Variants in STXBP5L observed in about 807,000 individuals in gnomAD.
STXBP5L encodes the protein syntaxin binding protein 5L.
A neutral mutation model predicts 144.5 loss-of-function variants in STXBP5L; 65 were observed. The observed-to-expected ratio is 0.45, with a 90% CI of 0.37 to 0.55. The LOEUF (loss-of-function observed/expected upper bound fraction) is 0.55, where lower values mean the gene tolerates loss of function less well. Ranked by LOEUF, STXBP5L falls within the 20% of genes least tolerant of loss-of-function variation. STXBP5L has a pLI of 0.00. For synonymous variants in STXBP5L, 505 were observed against 469.6 expected, an observed-to-expected ratio of 1.08 and a Z score of -0.97; for missense variants, 1,298 against 1,405.5, an observed-to-expected ratio of 0.92 and a Z score of 1.22.
chr3:121,346,637 T>C (rs528160702), intron 20 of STXBP5L, among the ~76,000 whole-genome samples: 4 of 152,230 alleles, frequency 2.6e-5, no homozygotes, highest in South Asian at 2.1e-4. Flanking sequence ...TTTTAATGAT[T>C]GCCATTCTAA....
At chr3:120,965,372 C>T (rs537658695) in intron 3 of STXBP5L, among the ~76,000 whole-genome samples, 6 of 152,242 alleles carry the variant, frequency 3.9e-5, no homozygotes, top group African/African-American at 1.4e-4. Context: ...TTCATAGCAT[C>T]GATGGTCTTT....
intron 3 of STXBP5L, among the ~76,000 whole-genome samples, chr3:120,979,300 A>G (rs1941479827): frequency 6.6e-6 from 1 of 152,002 alleles, no homozygotes; most frequent in Admixed American, 6.6e-5. Flanking sequence ...TTGATCTCAG[A>G]CTGCTGTGCT....
At chr3:121,286,350 G>A (rs1423524201) in intron 19 of STXBP5L, among the ~76,000 whole-genome samples, 1 of 152,070 alleles carries the variant, frequency 6.6e-6, no homozygotes, top group Non-Finnish European at 1.5e-5. Context: ...AATTAAAGAA[G>A]AAATGCTTTA....
chr3:121,113,673 T>C (rs1398572965), intron 5 of STXBP5L, among the ~76,000 whole-genome samples: 1 of 88,986 alleles, frequency 1.1e-5, no homozygotes, highest in Non-Finnish European at 2.5e-5. Context: ...TTTCTTTTTC[T>C]TTTTTTTTTT....
intron 9 of STXBP5L, among the ~76,000 whole-genome samples, chr3:121,199,131 C>T (rs191643089): frequency 6.6e-6 from 1 of 152,142 alleles, no homozygotes; most frequent in African/African-American, 2.4e-5. Flanking sequence ...AATTTTTTTC[C>T]GTTTGTTTGT....
chr3:121,396,389 A>T (rs1473100516), intron 22 of STXBP5L, among the ~76,000 whole-genome samples: 2 of 152,226 alleles, frequency 1.3e-5, no homozygotes, highest in Non-Finnish European at 1.5e-5. Flanking sequence ...CTGGGGCATT[A>T]TCTGTTTTAG....
intron 5 of STXBP5L, among the ~76,000 whole-genome samples, chr3:121,112,126 C>A (rs1296854892): frequency 6.6e-6 from 1 of 151,998 alleles, no homozygotes; most frequent in Non-Finnish European, 1.5e-5. Context: ...ATGGCTGCCA[C>A]CCCTCCCCCC....
chr3:121,226,070 G>A (rs552587788), intron 11 of STXBP5L, among the ~76,000 whole-genome samples: 59 of 152,260 alleles, frequency 3.9e-4, no homozygotes, highest in African/African-American at 1.2e-3. Context: ...GGACTTTTTG[G>A]TAATGTGAAG....
intron 8 of STXBP5L, among the ~76,000 whole-genome samples, chr3:121,153,059 G>A (rs182956542): frequency 6.6e-6 from 1 of 152,102 alleles, no homozygotes; most frequent in Admixed American, 6.6e-5. Flanking sequence ...TTTGTAAATA[G>A]TAATACTTAT....
chr3:121,002,889 C>A (rs1175480941), intron 3 of STXBP5L, among the ~76,000 whole-genome samples: 2 of 152,132 alleles, frequency 1.3e-5, no homozygotes, highest in East Asian at 1.9e-4. Context: ...ATGAACTCAT[C>A]ATTTTTTATG....
intron 10 of STXBP5L, among the ~76,000 whole-genome samples, chr3:121,221,365 T>G (rs2048968631): frequency 6.6e-6 from 1 of 151,940 alleles, no homozygotes; most frequent in Middle Eastern, 3.4e-3. Context: ...TTGCTCCTTA[T>G]CCTATGCTTG....
Position 121,074,104 on chromosome 3 carries a change from C to G in STXBP5L, c.470+28569C>G, listed in dbSNP as rs970568085. On this transcript the variant is annotated intron_variant, in intron 5 of 26. Coordinates refer to ENST00000471454, the MANE Select transcript of STXBP5L (RefSeq NM_001308330.2). ...GTGGCACAAAAGCCTTCAGGTCTGTCTAGTGCTTCCTCAAAAATGATTGGG... is the reference window on the plus strand; with the variant it reads ...GTGGCACAAAAGCCTTCAGGTCTGTGTAGTGCTTCCTCAAAAATGATTGGG... Among the ~76,000 whole-genome samples the G allele has an allele frequency of 1.2e-4, 18 of 152,290 alleles. No individual in the cohort carries two copies. In the South Asian group the frequency reaches 3.7e-3, roughly 32 times the overall value.
chr3:121,304,887 T>C (rs1030325860), intron 19 of STXBP5L, among the ~76,000 whole-genome samples: 2 of 151,220 alleles, frequency 1.3e-5, no homozygotes, highest in African/African-American at 4.9e-5. Flanking sequence ...CAAACCAGAG[T>C]AGATCAACAA....
At chr3:121,008,228 C>A (rs1026329020) in intron 3 of STXBP5L, among the ~76,000 whole-genome samples, 1 of 151,936 alleles carries the variant, frequency 6.6e-6, no homozygotes, top group Non-Finnish European at 1.5e-5. Flanking sequence ...GTAGCAACAA[C>A]TCTAGCCCCT....
At chr3:121,159,823 G>A (rs553238327) in intron 9 of STXBP5L, among the ~76,000 whole-genome samples, 5 of 151,538 alleles carry the variant, frequency 3.3e-5, no homozygotes, top group South Asian at 2.1e-4. Flanking sequence ...TAGTAGAGAC[G>A]GGGTTTCACC....
intron 22 of STXBP5L, among the ~76,000 whole-genome samples, chr3:121,402,455 C>A (rs530244496): frequency 1.3e-4 from 19 of 151,716 alleles, no homozygotes; most frequent in Non-Finnish European, 2.2e-4. Context: ...TTGTCATTCA[C>A]CCCCTTCATG....
intron 11 of STXBP5L, among the ~76,000 whole-genome samples, chr3:121,231,678 T>TA (rs368331460): frequency 2.4e-4 from 37 of 152,168 alleles, no homozygotes; most frequent in African/African-American, 8.9e-4. Flanking sequence ...ATGTGGTACT[T>TA]ATGGAGATTC....
At chr3:121,169,067 G>C (rs2046607953) in intron 9 of STXBP5L, among the ~76,000 whole-genome samples, 1 of 152,148 alleles carries the variant, frequency 6.6e-6, no homozygotes, top group South Asian at 2.1e-4. Context: ...TTTCAACCCA[G>C]AATTTCATAT....
chr3:121,023,514 C>G (rs1399653395), intron 3 of STXBP5L, among the ~76,000 whole-genome samples: 1 of 152,026 alleles, frequency 6.6e-6, no homozygotes, highest in Non-Finnish European at 1.5e-5. Flanking sequence ...GCTATGGTTA[C>G]CAAAACAGTG....
Sources: gnomAD v4.1 joint callset for allele counts (sites outside exome capture counted in the v4.1 genomes callset) on GRCh38, gnomAD v4.1.1 for gene constraint, MANE v1.5 for transcripts, NCBI Gene and HGNC (gene_info 2026-07-23, HGNC 2026-07-21) for gene names.